Variants in SLC6A9 observed in about 807,000 individuals in gnomAD.
SLC6A9 encodes sodium- and chloride-dependent glycine transporter 1.
A neutral mutation model predicts 70.9 loss-of-function variants in SLC6A9; 31 were observed. The observed-to-expected ratio is 0.44, with a 90% CI of 0.33 to 0.59. The LOEUF (loss-of-function observed/expected upper bound fraction) is 0.59, where lower values mean the gene tolerates loss of function less well. Among genes scored for constraint, SLC6A9 ranks in the 20% least tolerant of loss-of-function variants. SLC6A9 has a pLI of 0.04. For missense variants in SLC6A9, 631 were observed against 845.2 expected, an observed-to-expected ratio of 0.75 and a Z score of 3.14; for synonymous variants, 310 against 341.3, an observed-to-expected ratio of 0.91 and a Z score of 1.01.
chr1:44,025,416 G>A (rs1557696892), intron 1 of SLC6A9, among the ~76,000 whole-genome samples: 1 of 149,654 alleles, frequency 6.7e-6, no homozygotes, highest in Non-Finnish European at 1.5e-5. Flanking sequence ...GGCCTCGGGA[G>A]AAATCCATCT....
chr1:44,026,761 C>G (rs1374440674), intron 1 of SLC6A9, among the ~76,000 whole-genome samples: 1 of 152,200 alleles, frequency 6.6e-6, no homozygotes, highest in African/African-American at 2.4e-5. Flanking sequence ...AGAACTTAGG[C>G]TGCAGAGGGC....
At chr1:44,010,145 C>T (rs1472402477) in intron 3 of SLC6A9, 49 bp from the exon 4 acceptor site, 3 of 1,606,654 alleles carry the variant, frequency 1.9e-6, no homozygotes, top group Non-Finnish European at 2.6e-6. Flanking sequence ...GGAGGGATCT[C>T]ACCCTGGGCT....
chr1:44,006,218 C>T (rs1170667357), intron 5 of SLC6A9, among the ~76,000 whole-genome samples: 4 of 152,176 alleles, frequency 2.6e-5, no homozygotes, highest in Admixed American at 1.3e-4. Context: ...TCCCATCGGA[C>T]GGCAGCTCCG....
rs1291297446 is a variant in SLC6A9, at chr1:44,010,011, T to A, written c.273A>T (p.Ala91=). ...FFMELSFGQF[A]SQGCLGVWRI... ...TCCAGACCCCCAGGCACCCCTGGCT[T>A]GCAAACTGGCCGAAGGAGAGCTCCA... Residue 91 remains alanine, a synonymous_variant, in exon 4 of 14, where the codon GCA becomes GCT. Coordinates refer to ENST00000372310, the MANE Select transcript of SLC6A9 (RefSeq NM_001024845.3). 24 of 1,613,952 alleles carry A rather than the reference T, an allele frequency of 1.5e-5. No individual in the cohort carries two copies. Among genetic ancestry groups the A allele is most frequent in the Admixed American group, 6.7e-5 (4 of 60,002 alleles).
intron 1 of SLC6A9, among the ~76,000 whole-genome samples, chr1:44,026,846 T>C (rs2086991974): frequency 6.6e-6 from 1 of 152,202 alleles, no homozygotes; most frequent in Non-Finnish European, 1.5e-5. Flanking sequence ...AGAGGTCACA[T>C]GCCTTCCTTG....
At chr1:44,015,880 C>T (rs2086723920) in intron 2 of SLC6A9, 1 of 985,430 alleles carries the variant, frequency 1.0e-6, no homozygotes. Flanking sequence ...CCGGGCCGAG[C>T]AGCCCCCAGT....
At chr1:44,005,667 C>A (rs1178634925) in intron 5 of SLC6A9, among the ~76,000 whole-genome samples, 1 of 152,242 alleles carries the variant, frequency 6.6e-6, no homozygotes, top group Non-Finnish European at 1.5e-5. Context: ...GCTCCTTAAC[C>A]TCTAAACGGC....
intron 2 of SLC6A9, among the ~76,000 whole-genome samples, chr1:44,014,429 G>T (rs1247004301): frequency 6.6e-6 from 1 of 151,824 alleles, no homozygotes; most frequent in Admixed American, 6.6e-5. Flanking sequence ...GCGGGGTGGG[G>T]TGAGCTGGCT....
rs1285614182 is a variant in SLC6A9, at chr1:43,997,868, TC to T, written c.1693del (p.Asp565ThrfsTer7). 5 of 1,610,724 alleles carry T rather than the reference TC, an allele frequency of 3.1e-6. No individual in the cohort carries two copies. Among genetic ancestry groups the T allele is most frequent in the Non-Finnish European group, 3.4e-6 (4 of 1,178,000 alleles). ...AMFRLCRTDG[D>X]TLLQRLKNAT... ...CCCTGCCCTCACCTGGAGGAGGGTGTCCCCGTCTGTGCGGCAGAGCCGGAAC... is the reference window on the plus strand; with the variant it reads ...CCCTGCCCTCACCTGGAGGAGGGTGTCCCGTCTGTGCGGCAGAGCCGGAAC... On this transcript the variant is annotated frameshift_variant, in exon 13 of 14. Coordinates refer to ENST00000372310, the MANE Select transcript of SLC6A9 (RefSeq NM_001024845.3). LOFTEE classifies it high-confidence loss of function. This position sits in a 1 kb window ranked among gnomAD's most constrained non-coding sequence, Gnocchi z 4.4.
rs2086111781 is a variant in SLC6A9 at position 44,001,642 on chromosome 1, A to G, written c.963-15T>C. ...TGACACTGTCCCTGATGGGGAGGAA[A>G]ACAGAGTTCAGCTTCCCTCTCCCCA... On this transcript the variant is annotated splice_polypyrimidine_tract_variant and intron_variant, in intron 8 of 13. Coordinates refer to ENST00000372310, the MANE Select transcript of SLC6A9 (RefSeq NM_001024845.3). 11 of 1,591,120 alleles carry G rather than the reference A, an allele frequency of 6.9e-6. No individual in the cohort carries two copies. The highest frequency in any genetic ancestry group is 9.5e-6 in the Non-Finnish European group (11 of 1,163,076).
In SLC6A9 at chr1:44,018,287, A is replaced by ATGT. The variant is rs1490344893; in HGVS notation, c.30+5960_30+5961insACA. Among the ~76,000 whole-genome samples the ATGT allele has an allele frequency of 1.3e-5, 2 of 152,122 alleles. No homozygotes were observed. Among genetic ancestry groups the ATGT allele is most frequent in the African/African-American group, 4.8e-5 (2 of 41,434 alleles). ...CATAAGGAGTTTTGTCAAGCACAGG[A>ATGT]TGACATTAAAAATTTAAAAACAGGG... is the stretch of plus-strand genomic sequence containing the variant. On this transcript the variant is annotated intron_variant, in intron 2 of 13. Transcript: ENST00000372310. This position sits in a 1 kb window ranked among gnomAD's most constrained non-coding sequence, Gnocchi z 4.2.
intron 2 of SLC6A9, among the ~76,000 whole-genome samples, chr1:44,021,283 G>C (rs895189332): frequency 6.6e-6 from 1 of 152,198 alleles, no homozygotes; most frequent in African/African-American, 2.4e-5. Flanking sequence ...TGGCCAGCTG[G>C]GTTCTCGCAC....
Position 44,010,708 on chromosome 1 carries a change from C to T in SLC6A9, c.187+18G>A. 1 of 1,612,958 alleles carries T rather than the reference C, an allele frequency of 6.2e-7. No homozygotes were observed. Among genetic ancestry groups the T allele is most frequent in the South Asian group, 1.1e-5 (1 of 90,984 alleles). On this transcript the variant is annotated intron_variant, in intron 3 of 13. Coordinates refer to ENST00000372310, the MANE Select transcript of SLC6A9 (RefSeq NM_001024845.3). Reference sequence around the variant, plus strand: ...CTCTACCCAAGTGGGTGGTCCCTGCCCTGTGCCCACTGGGTACCTCCCCCG... The same window carrying T: ...CTCTACCCAAGTGGGTGGTCCCTGCTCTGTGCCCACTGGGTACCTCCCCCG...
At chr1:44,023,760 A>G (rs1571916779) in intron 2 of SLC6A9, among the ~76,000 whole-genome samples, 1 of 152,258 alleles carries the variant, frequency 6.6e-6, no homozygotes, top group Non-Finnish European at 1.5e-5. Context: ...TCTAAGGCTG[A>G]GGGCAAAGAA....
Position 44,008,558 on chromosome 1 carries a change from T to C in SLC6A9, c.385A>G (p.Ile129Val), listed in dbSNP as rs3180325. The change falls in exon 5 of 14, where the codon ATC becomes GTC. Residue 129 changes from isoleucine (I) to valine (V), a missense_variant. Transcript: ENST00000372310. ...GACGAGAAGAAGTAGTAGAAGGCGA[T>C]GCAGATGACCACATTGTAGTAGATG... is the stretch of plus-strand genomic sequence containing the variant. Reference protein sequence around the residue: ...IGIYYNVVICIAFYYFFSSMT... With the variant: ...IGIYYNVVICVAFYYFFSSMT... 2 of 1,614,066 alleles carry C rather than the reference T, an allele frequency of 1.2e-6. No individual in the cohort carries two copies. Among genetic ancestry groups the C allele is most frequent in the Non-Finnish European group, 1.7e-6 (2 of 1,179,998 alleles).
intron 2 of SLC6A9, among the ~76,000 whole-genome samples, chr1:44,023,880 G>A (rs2086932580): frequency 6.6e-6 from 1 of 152,194 alleles, no homozygotes; most frequent in South Asian, 2.1e-4. Flanking sequence ...ACCCAAAGAA[G>A]TGGAGAAAAA....
At chr1:44,017,342 C>A in intron 2 of SLC6A9, 1 of 1,371,304 alleles carries the variant, frequency 7.3e-7, no homozygotes, top group Non-Finnish European at 9.4e-7. Context: ...TGTGTTTTTC[C>A]CTTGTTCCCA....
chr1:44,017,448 C>A, intron 2 of SLC6A9: 1 of 967,054 alleles, frequency 1.0e-6, no homozygotes, highest in Non-Finnish European at 1.3e-6. Flanking sequence ...CTCACTCCCC[C>A]CACGGAGCTG....
At chr1:44,010,455 G>GT (rs2086507849) in intron 3 of SLC6A9, 7 of 262,616 alleles carry the variant, frequency 2.7e-5, no homozygotes, top group East Asian at 2.4e-4. Context: ...AGCCTTGTGG[G>GT]CGGGGGGGGG....
Sources: allele counts gnomAD v4.1 joint callset (sites outside exome capture counted in the v4.1 genomes callset), GRCh38; gene constraint gnomAD v4.1.1; non-coding constraint Gnocchi (gnomAD v3.1); transcripts MANE v1.5; gene names NCBI Gene and HGNC (gene_info 2026-07-23, HGNC 2026-07-21).